The following KIAA1958 variants were observed in gnomAD, a reference collection of about 807,000 sequenced individuals.
KIAA1958 encodes KIAA1958.
In KIAA1958, 14 loss-of-function variants were observed where a neutral mutation model predicts 47.2. The observed-to-expected ratio is 0.30, with a 90% CI of 0.20 to 0.46. The LOEUF is 0.46. Among genes scored for constraint, KIAA1958 ranks in the 20% least tolerant of loss-of-function variants. KIAA1958 has a pLI of 1.00. For synonymous variants in KIAA1958, 354 were observed against 353.3 expected (o/e 1.00, Z -0.02); for missense variants, 803 against 909.2 (o/e 0.88, Z 1.50).
At chr9:112,581,235 C>G (rs1238446310) in intron 2 of KIAA1958, among the ~76,000 whole-genome samples, 1 of 151,972 alleles carries the variant, frequency 6.6e-6, no homozygotes, top group Non-Finnish European at 1.5e-5. Flanking sequence ...ATTGTGAGGA[C>G]CAAATGCAAA....
intron 2 of KIAA1958, among the ~76,000 whole-genome samples, chr9:112,625,523 G>A (rs1836594510): frequency 6.6e-6 from 1 of 151,810 alleles, no homozygotes; most frequent in South Asian, 2.1e-4. Flanking sequence ...CTCACACCCT[G>A]TTAGGGTGTG....
At chr9:112,627,051 T>G (rs902356866) in intron 2 of KIAA1958, among the ~76,000 whole-genome samples, 6 of 152,214 alleles carry the variant, frequency 3.9e-5, no homozygotes, top group Non-Finnish European at 7.3e-5. Context: ...TAAGTAACTG[T>G]GTACTTCATT....
rs569734345 is a variant in KIAA1958, at chr9:112,630,991, G to C, written c.1172-14659G>C. Among the ~76,000 whole-genome samples, 20 of 152,240 alleles carry C rather than the reference G, an allele frequency of 1.3e-4. No homozygotes were observed. In the East Asian group the frequency reaches 3.9e-3, roughly 29 times the overall value. On this transcript the variant is annotated intron_variant, in intron 2 of 3. Transcript: ENST00000337530. ...AAAATGTGACAAATTTTATTTCCTTGCTAGGGAAAGAATATTAGAATTCAA... is the reference window on the plus strand; with the variant it reads ...AAAATGTGACAAATTTTATTTCCTTCCTAGGGAAAGAATATTAGAATTCAA...
intron 1 of KIAA1958, among the ~76,000 whole-genome samples, chr9:112,507,702 A>C (rs1445125472): frequency 6.6e-6 from 1 of 152,178 alleles, no homozygotes; most frequent in Middle Eastern, 3.2e-3. Context: ...ACATCAATCA[A>C]ACATCTATAC....
chr9:112,619,375 A>G (rs1376795558), intron 2 of KIAA1958, among the ~76,000 whole-genome samples: 1 of 152,084 alleles, frequency 6.6e-6, no homozygotes, highest in East Asian at 1.9e-4. Context: ...TCAAGAGGAG[A>G]CATTAACTTT....
chr9:112,637,839 G>A (rs540536968), intron 2 of KIAA1958, among the ~76,000 whole-genome samples: 1 of 151,920 alleles, frequency 6.6e-6, no homozygotes, highest in East Asian at 1.9e-4. Context: ...TTTTTTTCCA[G>A]TTTCTTTTTA....
At chr9:112,528,529 T>A (rs1477125529) in intron 1 of KIAA1958, among the ~76,000 whole-genome samples, 1 of 152,140 alleles carries the variant, frequency 6.6e-6, no homozygotes, top group Non-Finnish European at 1.5e-5. Flanking sequence ...TATGCATGTA[T>A]TTATTTATTT....
At chr9:112,505,825 C>T (rs1834224481) in intron 1 of KIAA1958, among the ~76,000 whole-genome samples, 1 of 152,140 alleles carries the variant, frequency 6.6e-6, no homozygotes, top group Non-Finnish European at 1.5e-5. Flanking sequence ...GGAAAGATTG[C>T]TTGTTTACTG....
At chr9:112,496,606 C>T (rs1392904739) in intron 1 of KIAA1958, among the ~76,000 whole-genome samples, 1 of 152,142 alleles carries the variant, frequency 6.6e-6, no homozygotes, top group Non-Finnish European at 1.5e-5. Flanking sequence ...TTGATGTGAC[C>T]TCCTCTCTGA....
At chr9:112,654,106 C>T (rs769601326) in intron 3 of KIAA1958, among the ~76,000 whole-genome samples, 1 of 152,142 alleles carries the variant, frequency 6.6e-6, no homozygotes, top group Non-Finnish European at 1.5e-5. Flanking sequence ...GGAGGGGAAT[C>T]GTAGCTGTCT....
chr9:112,507,373 C>T (rs1265694131), intron 1 of KIAA1958, among the ~76,000 whole-genome samples: 1 of 152,144 alleles, frequency 6.6e-6, no homozygotes, highest in Non-Finnish European at 1.5e-5. Context: ...TTTTAAGAGA[C>T]AAGTTTTCAG....
At chr9:112,490,558 T>G (rs1253066247) in intron 1 of KIAA1958, among the ~76,000 whole-genome samples, 3 of 152,216 alleles carry the variant, frequency 2.0e-5, no homozygotes, top group African/African-American at 7.2e-5. Flanking sequence ...AGGACTGTGG[T>G]TGGCTAGTTA....
At chr9:112,552,423 G>A (rs1343737306) in intron 1 of KIAA1958, among the ~76,000 whole-genome samples, 3 of 152,268 alleles carry the variant, frequency 2.0e-5, no homozygotes, top group Non-Finnish European at 4.4e-5. Flanking sequence ...GTGTTCACAG[G>A]CCTAATGTGT....
intron 2 of KIAA1958, among the ~76,000 whole-genome samples, chr9:112,578,011 T>C (rs1327859069): frequency 6.6e-6 from 1 of 152,130 alleles, no homozygotes; most frequent in Non-Finnish European, 1.5e-5. Context: ...ATGACGATTT[T>C]CCAAGGATGG....
At chr9:112,537,361 A>G (rs139671382) in intron 1 of KIAA1958, among the ~76,000 whole-genome samples, 1,905 of 152,260 alleles carry the variant, frequency 0.013, 38 homozygotes, top group African/African-American at 0.043. Context: ...CCTGCCTCCC[A>G]AAGTGCTGGG....
At chr9:112,653,038 T>C (rs1837089206) in intron 3 of KIAA1958, among the ~76,000 whole-genome samples, 1 of 152,144 alleles carries the variant, frequency 6.6e-6, no homozygotes, top group South Asian at 2.1e-4. Flanking sequence ...CTTCAAGAGG[T>C]AGACATAAAC....
In KIAA1958 at chr9:112,662,219, A is replaced by G. The variant is rs1938354745; in HGVS notation, c.*2150A>G. ...AAATCCCTGGGTTCTGAAGTGAATT[A>G]TTATAATTAATAATCAGGAGGGCGA... On this transcript the variant is annotated 3_prime_UTR_variant, in exon 4 of 4. Coordinates refer to ENST00000337530, the MANE Select transcript of KIAA1958 (RefSeq NM_133465.4). 1 of 152,202 alleles carries G rather than the reference A, an allele frequency of 6.6e-6. No homozygotes were observed. Among genetic ancestry groups the G allele is most frequent in the African/African-American group, 2.4e-5 (1 of 41,462 alleles). The allele number at this position is 152,202 out of a possible 1,614,324, so 9.4% of individuals were successfully genotyped here. A position where few individuals can be genotyped will look rare whatever the true frequency, so the allele number is the denominator to read the frequency against.
At chr9:112,516,985 T>C (rs1185202717) in intron 1 of KIAA1958, among the ~76,000 whole-genome samples, 1 of 152,230 alleles carries the variant, frequency 6.6e-6, no homozygotes, top group Admixed American at 6.5e-5. Context: ...GAAAACAATT[T>C]GAAAAGTTGG....
intron 1 of KIAA1958, among the ~76,000 whole-genome samples, chr9:112,570,445 T>A (rs879209528): frequency 6.6e-6 from 1 of 152,232 alleles, no homozygotes; most frequent in Admixed American, 6.5e-5. Context: ...GTCTACAGAT[T>A]TTGTAAGTAT....
Sources: allele counts gnomAD v4.1 joint callset (sites outside exome capture counted in the v4.1 genomes callset), GRCh38; gene constraint gnomAD v4.1.1; transcripts MANE v1.5; gene names NCBI Gene and HGNC (gene_info 2026-07-23, HGNC 2026-07-21).